BBS9: variants seen among roughly 807,000 people sequenced by gnomAD.
BBS9 encodes the protein Bardet-Biedl syndrome 9.
BBS9 carries 89 observed loss-of-function variants against 117.7 expected under a neutral mutation model. The observed-to-expected ratio is 0.76, with a 90% CI of 0.64 to 0.90. The LOEUF (loss-of-function observed/expected upper bound fraction) is 0.90. BBS9 is among the 40% of genes least tolerant of loss of function. The probability of loss-of-function intolerance (pLI) is 0.00; values close to 1 mark genes in which losing one functional copy is unlikely to be tolerated. For missense variants in BBS9, 982 were observed against 1,042.2 expected, an observed-to-expected ratio of 0.94 and a Z score of 0.80; for synonymous variants, 379 against 370.9, an observed-to-expected ratio of 1.02 and a Z score of -0.25.
chr7:33,278,109 T>C (rs967053735), intron 9 of BBS9, among the ~76,000 whole-genome samples: 3 of 152,198 alleles, frequency 2.0e-5, no homozygotes, highest in Non-Finnish European at 4.4e-5. Flanking sequence ...TAGAGGGATG[T>C]AGGTTAGATC....
chr7:33,161,670 G>A (rs1312448529), intron 4 of BBS9, among the ~76,000 whole-genome samples: 2 of 152,128 alleles, frequency 1.3e-5, no homozygotes, highest in Admixed American at 6.5e-5. Context: ...GGTATTTCTG[G>A]TTACAGATCC....
At chr7:33,227,338 G>A (rs1375279041) in intron 5 of BBS9, among the ~76,000 whole-genome samples, 2 of 151,950 alleles carry the variant, frequency 1.3e-5, no homozygotes, top group Non-Finnish European at 2.9e-5. Flanking sequence ...AGTAGAGATG[G>A]GGTTTCACCA....
At chr7:33,454,725 A>G (rs1322121235) in intron 19 of BBS9, among the ~76,000 whole-genome samples, 1 of 152,198 alleles carries the variant, frequency 6.6e-6, no homozygotes, top group Non-Finnish European at 1.5e-5. Flanking sequence ...CTATATAGTG[A>G]GTCCTGGGGA....
intron 9 of BBS9, chr7:33,314,660 A>T (rs73313140): frequency 6.6e-6 from 1 of 152,264 alleles, no homozygotes; most frequent in Admixed American, 6.6e-5. Context: ...CTTCATAAAG[A>T]GTGGATATTT....
intron 20 of BBS9, 163 bp downstream of exon 20, chr7:33,505,808 A>G (rs1846076198): frequency 1.3e-6 from 1 of 750,386 alleles, no homozygotes; most frequent in Admixed American, 2.8e-5. Flanking sequence ...AAAATGTCAA[A>G]CAAAGGCCTT....
chr7:33,446,852 G>A (rs1218428704), intron 19 of BBS9, among the ~76,000 whole-genome samples: 1 of 152,094 alleles, frequency 6.6e-6, no homozygotes, highest in Non-Finnish European at 1.5e-5. Context: ...CACTTCAGAG[G>A]GCTTCCGGCT....
intron 19 of BBS9, among the ~76,000 whole-genome samples, chr7:33,450,649 G>A (rs756211707): frequency 9.2e-5 from 14 of 152,090 alleles, no homozygotes; most frequent in Non-Finnish European, 1.5e-4. Context: ...TTTCCTATGC[G>A]TCTTGGCCAT....
chr7:33,402,678 T>C (rs1362292870), intron 19 of BBS9, among the ~76,000 whole-genome samples: 2 of 152,198 alleles, frequency 1.3e-5, no homozygotes, highest in African/African-American at 4.8e-5. Flanking sequence ...CAGTGGTTGC[T>C]CCTTTTTATT....
intron 4 of BBS9, among the ~76,000 whole-genome samples, chr7:33,164,194 GAC>G (rs1490589533): frequency 1.3e-5 from 2 of 152,186 alleles, no homozygotes; most frequent in African/African-American, 4.8e-5. Context: ...TGGTCTGAGA[GAC>G]AGTTTGTTAT....
intron 19 of BBS9, among the ~76,000 whole-genome samples, chr7:33,400,159 A>T (rs536876871): frequency 3.3e-4 from 50 of 152,214 alleles, no homozygotes; most frequent in African/African-American, 1.1e-3. Flanking sequence ...TCTGAAATAA[A>T]CTATTCTGAG....
chr7:33,264,404 T>TCC (rs1289153959), intron 7 of BBS9, 30 bp downstream of exon 7: 1 of 1,281,898 alleles, frequency 7.8e-7, no homozygotes, highest in Admixed American at 1.8e-5. Flanking sequence ...TATAAAAATT[T>TCC]CAATAATGCT....
intron 21 of BBS9, among the ~76,000 whole-genome samples, chr7:33,538,243 A>AT (rs1851769128): frequency 6.6e-6 from 1 of 152,226 alleles, no homozygotes; most frequent in Admixed American, 6.5e-5. Context: ...AGCAAAGAAG[A>AT]TTTGATAAAT....
intron 21 of BBS9, among the ~76,000 whole-genome samples, chr7:33,620,807 C>G (rs772111286): frequency 1.3e-5 from 2 of 152,144 alleles, no homozygotes; most frequent in Admixed American, 6.5e-5. Context: ...AAGATCAAAG[C>G]TGGAGGCATC....
At chr7:33,192,354 A>G (rs1455073895) in intron 5 of BBS9, among the ~76,000 whole-genome samples, 1 of 152,242 alleles carries the variant, frequency 6.6e-6, no homozygotes, top group Non-Finnish European at 1.5e-5. Flanking sequence ...GAAAAGTGGC[A>G]TATTATAAGA....
intron 16 of BBS9, among the ~76,000 whole-genome samples, chr7:33,364,368 C>G (rs1396268532): frequency 6.6e-6 from 1 of 152,042 alleles, no homozygotes; most frequent in Non-Finnish European, 1.5e-5. Flanking sequence ...AATTTTTACT[C>G]CATCCCCCCA....
intron 19 of BBS9, among the ~76,000 whole-genome samples, chr7:33,453,075 C>T (rs535134473): frequency 6.6e-6 from 1 of 152,300 alleles, no homozygotes; most frequent in South Asian, 2.1e-4. Flanking sequence ...TACAAACATT[C>T]ATCTCTTCCA....
intron 21 of BBS9, among the ~76,000 whole-genome samples, chr7:33,552,175 G>A (rs959323582): frequency 6.6e-6 from 1 of 152,062 alleles, no homozygotes; most frequent in Non-Finnish European, 1.5e-5. Context: ...ATGAGCCACT[G>A]TTAGATGTCC....
chr7:33,450,171 T>C (rs1837590924), intron 19 of BBS9, among the ~76,000 whole-genome samples: 1 of 152,246 alleles, frequency 6.6e-6, no homozygotes, highest in Non-Finnish European at 1.5e-5. Flanking sequence ...CATAAGGTCC[T>C]CAGTATTCGT....
intron 21 of BBS9, 94 bp downstream of exon 21, chr7:33,534,270 T>A: frequency 7.5e-7 from 1 of 1,339,334 alleles, no homozygotes; most frequent in Non-Finnish European, 1.0e-6. Context: ...AAATTTCATA[T>A]TAAAGTGATG....
Sources: allele counts gnomAD v4.1 joint callset (sites outside exome capture counted in the v4.1 genomes callset), GRCh38; gene constraint gnomAD v4.1.1; transcripts MANE v1.5; gene names NCBI Gene and HGNC (gene_info 2026-07-23, HGNC 2026-07-21).